The following STXBP2 variants were observed in gnomAD, a reference collection of about 807,000 sequenced individuals.
STXBP2 encodes syntaxin-binding protein 2.
In STXBP2, 47 loss-of-function variants were observed where a neutral mutation model predicts 72.2. The ratio of observed to expected loss-of-function variants is 0.65; its 90% CI spans 0.51 to 0.83. STXBP2 has a LOEUF of 0.83. Among genes scored for constraint, STXBP2 ranks in the 40% least tolerant of loss-of-function variants. STXBP2 has a pLI of 0.00. For synonymous variants in STXBP2, 367 were observed against 338.7 expected, an observed-to-expected ratio of 1.08 and a Z score of -0.92; for missense variants, 702 against 807.6, an observed-to-expected ratio of 0.87 and a Z score of 1.58.
chr19:7,631,292 G>T, the STXBP2 span: 5 of 1,414,670 alleles, frequency 3.5e-6, no homozygotes, highest in African/African-American at 1.4e-5. Flanking sequence ...TCTCCTGGAA[G>T]AGTGAAGCGG....
the STXBP2 span, chr19:7,631,158 A>T: frequency 5.0e-5 from 54 of 1,088,898 alleles, no homozygotes; most frequent in Admixed American, 3.3e-4. Context: ...CAGTGAGCCC[A>T]AGATCACGCC....
chr19:7,644,118 T>C (rs868656228), intron 13 of STXBP2, among the ~76,000 whole-genome samples: 39 of 125,728 alleles, frequency 3.1e-4, no homozygotes, highest in Middle Eastern at 5.2e-3. Context: ...GGTGGAGCCT[T>C]GGAGAGGTGG....
At chr19:7,647,069 A>G in intron 16 of STXBP2, 93 bp from the exon 17 acceptor site, 1 of 1,356,970 alleles carries the variant, frequency 7.4e-7, no homozygotes, top group Non-Finnish European at 1.0e-6. Context: ...CCTGTCTGCC[A>G]GGATCTTGGC....
chr19:7,645,105 A>C (rs528936417), intron 14 of STXBP2, 92 bp from the exon 15 acceptor site: 77 of 1,482,294 alleles, frequency 5.2e-5, no homozygotes, highest in Non-Finnish European at 6.9e-5. Context: ...CTCTCATCAG[A>C]GTCCTGGGAG....
At chr19:7,633,116 C>T, upstream of STXBP2, 1 of 1,007,042 alleles carries the variant, frequency 9.9e-7, no homozygotes, top group Non-Finnish European at 1.4e-6. Context: ...TAGATTGGGG[C>T]CTGATGAGTG....
upstream of STXBP2, chr19:7,633,332 C>T (rs1426625570): frequency 2.9e-6 from 4 of 1,372,962 alleles, no homozygotes; most frequent in Non-Finnish European, 4.0e-6. Context: ...AATTAGGTGC[C>T]CTACAAACTA....
intron 16 of STXBP2, 64 bp from the exon 17 acceptor site, chr19:7,647,098 G>A: frequency 3.2e-6 from 5 of 1,563,628 alleles, no homozygotes; most frequent in Non-Finnish European, 4.4e-6. Flanking sequence ...ACCCCGTGGG[G>A]GGCACTCCTG....
intron 18 of STXBP2, 83 bp from the exon 19 acceptor site, chr19:7,647,642 C>T: frequency 6.3e-7 from 1 of 1,599,268 alleles, no homozygotes; most frequent in Non-Finnish European, 8.6e-7. Flanking sequence ...CAGGGACAGC[C>T]CCACACCAGC....
intron 14 of STXBP2, 132 bp downstream of exon 14, chr19:7,644,884 C>T: frequency 6.6e-7 from 1 of 1,505,080 alleles, no homozygotes; most frequent in Non-Finnish European, 8.9e-7. Flanking sequence ...CACAGCTACC[C>T]CTCTGGACCC....
rs374453678 is a variant in STXBP2, at chr19:7,643,262, G to A, written c.1107+17G>A. On this transcript the variant is annotated intron_variant, in intron 13 of 18. Transcript: ENST00000221283. ...GTGGAGCAGGTGGGGCAGGGCTTGC[G>A]GGGGGCAGGGGTGATGGTCCTGCCA... The A allele has an allele frequency of 2.5e-5, 40 of 1,612,066 alleles. 2 individuals are homozygous for A. Among genetic ancestry groups the A allele is most frequent in the South Asian group, 1.5e-4 (14 of 90,888 alleles).
At chr19:7,646,998 C>A in intron 16 of STXBP2, 164 bp from the exon 17 acceptor site, 1 of 654,026 alleles carries the variant, frequency 1.5e-6, no homozygotes, top group Non-Finnish European at 2.6e-6. Context: ...TTCTAGGTCC[C>A]CAATGGACTA....
chr19:7,633,718 CTG>C (rs2031431444), upstream of STXBP2: 1 of 534,162 alleles, frequency 1.9e-6, no homozygotes, highest in Non-Finnish European at 3.3e-6. Flanking sequence ...GCAGCAATGA[CTG>C]GACCCCAGGG....
intron 15 of STXBP2, 109 bp from the exon 16 acceptor site, chr19:7,646,140 C>T (rs1466684429): frequency 4.4e-5 from 36 of 818,362 alleles, no homozygotes; most frequent in Non-Finnish European, 7.3e-5. Context: ...TTCCACTTCC[C>T]CATCTTTGCC....
At chr19:7,632,526 A>G (rs1206536430), upstream of STXBP2, 1 of 1,612,272 alleles carries the variant, frequency 6.2e-7, no homozygotes, top group Non-Finnish European at 8.5e-7. The surrounding 1 kb of genome is among the most constrained non-coding windows in gnomAD (Gnocchi z 5.2). Flanking sequence ...CTCTGCGTGG[A>G]CGTTCACAGA....
Position 7,637,137 on chromosome 19 carries a change from CCCCTCGGGGAAGATGGCG to C in STXBP2, c.-3_15del, listed in dbSNP as rs920125201. ...GACACACCCGGAAGCGGCGGCGGCG[CCCCTCGGGGAAGATGGCG>C]CCCTCGGGGCTGAAGGCGGTGGTGG... On this transcript the variant is annotated start_lost and 5_prime_UTR_variant, in exon 1 of 19. Transcript: ENST00000221283. 3 of 1,240,250 alleles carry C rather than the reference CCCCTCGGGGAAGATGGCG, an allele frequency of 2.4e-6. No homozygotes were observed. Among genetic ancestry groups the C allele is most frequent in the Non-Finnish European group, 3.0e-6 (3 of 988,074 alleles). 76.8% of individuals were successfully genotyped at this position (1,240,250 alleles called of 1,614,324 possible).
chr19:7,641,869 AG>A lies in STXBP2; in HGVS notation c.578+17del. 2.5e-6 allele frequency: 1 copy of A among 394,512 alleles called. No individual in the cohort carries two copies. The highest frequency in any genetic ancestry group is 2.8e-5 in the South Asian group (1 of 35,330). 24.4% of individuals were successfully genotyped at this position (394,512 alleles called of 1,614,324 possible). A position where few individuals can be genotyped will look rare whatever the true frequency, so the allele number is the denominator to read the frequency against. On this transcript the variant is annotated intron_variant, in intron 7 of 18. Coordinates refer to ENST00000221283, the MANE Select transcript of STXBP2 (RefSeq NM_006949.4). ...GCTACCGCAAGTGGGGACCCCACCCAGCCCCACCCCGATGCCGACCCCCCCT... is the reference window on the plus strand; with the variant it reads ...GCTACCGCAAGTGGGGACCCCACCCACCCCACCCCGATGCCGACCCCCCCT...
the STXBP2 span, chr19:7,631,660 C>A: frequency 6.8e-7 from 1 of 1,460,954 alleles, no homozygotes. Context: ...TTTTTGGGGG[C>A]CGAGTGAGAC....
In STXBP2 at chr19:7,639,011, C is replaced by G. The variant is rs2031682268; in HGVS notation, c.88-8C>G. On this transcript the variant is annotated splice_region_variant and splice_polypyrimidine_tract_variant and intron_variant, in intron 2 of 18. Coordinates refer to ENST00000221283, the MANE Select transcript of STXBP2 (RefSeq NM_006949.4). ...CTCCTCCATCCATCTGTCCATCCAT[C>G]TGGACAGGTGCTTATCATGGATCAC... is the stretch of plus-strand genomic sequence containing the variant. 3 of 1,613,886 alleles carry G rather than the reference C, an allele frequency of 1.9e-6. No homozygotes were observed. Among genetic ancestry groups the G allele is most frequent in the Non-Finnish European group, 2.5e-6 (3 of 1,179,722 alleles).
At chr19:7,646,085 C>A in intron 15 of STXBP2, 164 bp from the exon 16 acceptor site, 1 of 629,970 alleles carries the variant, frequency 1.6e-6, no homozygotes, top group Non-Finnish European at 2.8e-6. Flanking sequence ...CTCACTGTTT[C>A]TCTCTCTCGC....
Sources: allele counts gnomAD v4.1 joint callset (sites outside exome capture counted in the v4.1 genomes callset), GRCh38; gene constraint gnomAD v4.1.1; non-coding constraint Gnocchi (gnomAD v3.1); transcripts MANE v1.5; gene names NCBI Gene and HGNC (gene_info 2026-07-23, HGNC 2026-07-21).